AMOT: variants seen among roughly 807,000 people sequenced by gnomAD.
AMOT encodes angiomotin.
In AMOT, 11 loss-of-function variants were observed where a neutral mutation model predicts 67.0. The observed-to-expected ratio is 0.16, with a 90% CI of 0.10 to 0.27. AMOT has a LOEUF of 0.27. AMOT is among the 10% of genes least tolerant of loss of function. AMOT has a pLI of 1.00. For synonymous variants in AMOT, 326 were observed against 321.4 expected, an observed-to-expected ratio of 1.01 and a Z score of -0.15; for missense variants, 753 against 852.0, an observed-to-expected ratio of 0.88 and a Z score of 1.45.
In AMOT at chrX:112,779,113, G is replaced by A; in HGVS notation, c.3041C>T (p.Pro1014Leu). The change falls in exon 13 of 14, where the codon CCA becomes CTA. Residue 1014 changes from proline (P) to leucine (L), a missense_variant. Transcript: ENST00000371959. ...CACAGCTGGAGTTGGAGTTGGAGCTGGAGTTGGAGCCACAGCCGGAGCTGA... is the reference window on the plus strand; with the variant it reads ...CACAGCTGGAGTTGGAGTTGGAGCTAGAGTTGGAGCCACAGCCGGAGCTGA... ...PTSAPAVAPT[P>L]APTPTPAVAQ... The A allele has an allele frequency of 8.7e-7, 1 of 1,148,241 alleles. No homozygotes were observed. The highest frequency in any genetic ancestry group is 1.8e-5 in the African/African-American group (1 of 56,631). 94.6% of individuals were successfully genotyped at this position (1,148,241 alleles called of 1,213,427 possible).
In AMOT at chrX:112,809,946, T is replaced by G. The variant is rs770961215; in HGVS notation, c.1578A>C (p.Glu526Asp). 1 of 1,211,577 alleles carries G rather than the reference T, an allele frequency of 8.3e-7. No homozygotes were observed. Among genetic ancestry groups the G allele is most frequent in the Non-Finnish European group, 1.1e-6 (1 of 895,400 alleles). ...TTCTGGTGTCCTCTGACCCCTCATA[T>G]TCCTTCTCTGCAAGCTGCTTGTTGG... ...ETANKQLAEKEYEGSEDTRKT... is the reference protein window; with the variant it reads ...ETANKQLAEKDYEGSEDTRKT... Residue 526 changes from glutamate (E) to aspartate (D), a missense_variant, in exon 7 of 14, where the codon GAA (glutamate) becomes GAC (aspartate). Glu to Asp is a conservative substitution (Grantham distance 45, BLOSUM62 2). This residue lies in a region of AMOT where 297 missense variants were observed against 284.3 expected (regional missense o/e 1.04). Coordinates refer to ENST00000371959, the MANE Select transcript of AMOT (RefSeq NM_001113490.2).
rs1256813004 is a variant in AMOT, at chrX:112,810,928, AC to A, written c.1537+320del. Among the ~76,000 whole-genome samples the A allele has an allele frequency of 1.3e-4, 15 of 111,222 alleles. No individual in the cohort carries two copies. The Admixed American group carries it at 1.4e-3, about 11-fold the overall frequency. On this transcript the variant is annotated intron_variant, in intron 6 of 13. Transcript: ENST00000371959. ...CAGTCAAAGGGCACGCCTCTGTAAAACCTGTTAAAAAGAAGAGGCAGCACCT... is the reference window on the plus strand; with the variant it reads ...CAGTCAAAGGGCACGCCTCTGTAAAACTGTTAAAAAGAAGAGGCAGCACCT...
At chrX:112,797,832 G>A (rs981360292) in intron 8 of AMOT, among the ~76,000 whole-genome samples, 1 of 103,554 alleles carries the variant, frequency 9.7e-6, no homozygotes, top group Non-Finnish European at 2.0e-5. Flanking sequence ...GGAAGAAGAA[G>A]GAGAAGGAGA....
intron 10 of AMOT, among the ~76,000 whole-genome samples, chrX:112,788,258 C>A (rs1158740131): frequency 1.9e-5 from 2 of 105,957 alleles, no homozygotes; most frequent in Non-Finnish European, 3.9e-5. Context: ...CACTGCACTC[C>A]AGCCTGGGCA....
intron 8 of AMOT, among the ~76,000 whole-genome samples, chrX:112,793,645 C>T (rs748225374): frequency 1.8e-5 from 2 of 112,456 alleles, no homozygotes; most frequent in African/African-American, 3.2e-5. Flanking sequence ...AACTGGCAAA[C>T]AAAACCTTTT....
chrX:112,791,596 T>C (rs918879619), intron 9 of AMOT, among the ~76,000 whole-genome samples: 1 of 111,664 alleles, frequency 9.0e-6, no homozygotes, highest in African/African-American at 3.3e-5. Flanking sequence ...CATGTGAAAA[T>C]AAAAGGTGCA....
intron 1 of AMOT, among the ~76,000 whole-genome samples, chrX:112,836,314 A>G (rs948795298): frequency 1.8e-5 from 2 of 112,009 alleles, no homozygotes; most frequent in Admixed American, 9.5e-5. Context: ...GGTCAAAGGA[A>G]TTAAATTAAC....
intron 8 of AMOT, among the ~76,000 whole-genome samples, chrX:112,800,061 C>T (rs1226060725): frequency 9.1e-6 from 1 of 110,359 alleles, no homozygotes; most frequent in African/African-American, 3.3e-5. Context: ...GGTGAAACTC[C>T]GTCTTACTAA....
intron 1 of AMOT, among the ~76,000 whole-genome samples, chrX:112,839,915 C>T (rs999095960): frequency 9.0e-6 from 1 of 111,257 alleles, no homozygotes; most frequent in Admixed American, 9.6e-5. Flanking sequence ...ACTACCACCA[C>T]AAGCACTACC....
Position 112,775,730 on chromosome X carries a change from T to C in AMOT, c.*2837A>G, listed in dbSNP as rs1436973617. On this transcript the variant is annotated 3_prime_UTR_variant, in exon 14 of 14. Transcript: ENST00000371959. ...GGAGTTTCATATCAAGTAAAGTTTG[T>C]TCTAATGAAGTTTTTCTATACATGG... 8.9e-6 allele frequency: 1 copy of C among 112,530 alleles called. No individual in the cohort carries two copies. Among genetic ancestry groups the C allele is most frequent in the Non-Finnish European group, 1.9e-5 (1 of 53,284 alleles). The allele number at this position is 112,530 out of a possible 1,213,427, so 9.3% of individuals were successfully genotyped here.
intron 8 of AMOT, among the ~76,000 whole-genome samples, chrX:112,793,449 T>C (rs1191639080): frequency 9.0e-6 from 1 of 111,376 alleles, no homozygotes; most frequent in Non-Finnish European, 1.9e-5. Context: ...GAAACCTTCA[T>C]GGTAATGAGT....
At chrX:112,813,850 T>C (rs1304662701) in intron 5 of AMOT, among the ~76,000 whole-genome samples, 4 of 111,767 alleles carry the variant, frequency 3.6e-5, no homozygotes, top group Admixed American at 2.8e-4. Flanking sequence ...GATAGGGATA[T>C]AGTTAAAATT....
intron 1 of AMOT, among the ~76,000 whole-genome samples, chrX:112,837,884 G>A (rs1935169392): frequency 9.0e-6 from 1 of 111,505 alleles, no homozygotes; most frequent in Non-Finnish European, 1.9e-5. Context: ...TGAATCCATG[G>A]GAGAAAGAGA....
intron 12 of AMOT, 100 bp from the exon 13 acceptor site, chrX:112,779,780 T>A: frequency 2.6e-6 from 1 of 380,380 alleles, no homozygotes; most frequent in Non-Finnish European, 4.1e-6. Context: ...AGAAATTTAT[T>A]TATTTTTAAA....
At chrX:112,807,951 A>T (rs1934243789) in intron 7 of AMOT, among the ~76,000 whole-genome samples, 1 of 111,907 alleles carries the variant, frequency 8.9e-6, no homozygotes, top group Non-Finnish European at 1.9e-5. Context: ...ACCATGACAC[A>T]TGTAGTTATG....
intron 10 of AMOT, among the ~76,000 whole-genome samples, chrX:112,788,055 C>A (rs750669652): frequency 6.3e-5 from 7 of 110,632 alleles, no homozygotes; most frequent in African/African-American, 2.3e-4. Flanking sequence ...TTTGGGAGGC[C>A]GAGACAGGTG....
Position 112,815,727 on chromosome X carries a change from G to C in AMOT, c.1023C>G (p.Asn341Lys). The change falls in exon 5 of 14, where the codon AAC becomes AAG. Residue 341 changes from asparagine (N) to lysine (K), a missense_variant. Transcript: ENST00000371959. ...GCAGGTGAGCTGAATGGTCTCCCTG[G>C]TTTGGGACCAAGGGGTGTCGGGCAG... ...LSPARHPLVP[N>K]QGDHSAHLPR... 1 of 1,168,020 alleles carries C rather than the reference G, an allele frequency of 8.6e-7. No individual in the cohort carries two copies.
intron 10 of AMOT, among the ~76,000 whole-genome samples, chrX:112,788,605 A>G (rs889377910): frequency 2.7e-5 from 3 of 112,319 alleles, no homozygotes; most frequent in African/African-American, 9.7e-5. Context: ...TAGAAATAGG[A>G]AGGTCTGAAG....
At chrX:112,830,948 T>C (rs685830) in intron 2 of AMOT, among the ~76,000 whole-genome samples, 29,902 of 110,567 alleles carry the variant, frequency 0.27, 5,162 homozygotes, top group African/African-American at 0.63. Context: ...ATCTTCAATA[T>C]ATCTTAAGGG....
Sources: gnomAD v4.1 joint callset for allele counts (sites outside exome capture counted in the v4.1 genomes callset) on GRCh38, gnomAD v4.1.1 for gene constraint, gnomAD v4.1.1 regional missense constraint, MANE v1.5 for transcripts, NCBI Gene and HGNC (gene_info 2026-07-23, HGNC 2026-07-21) for gene names.